Variants in ITK observed in about 807,000 individuals in gnomAD.
The protein encoded by ITK is tyrosine-protein kinase ITK/TSK.
In ITK, 45 loss-of-function variants were observed where a neutral mutation model predicts 87.6. The observed-to-expected ratio is 0.51, with a 90% CI of 0.40 to 0.66. The LOEUF (loss-of-function observed/expected upper bound fraction) is 0.66, where lower values mean the gene tolerates loss of function less well. Ranked by LOEUF, ITK falls within the 30% of genes least tolerant of loss-of-function variation. ITK has a pLI of 0.00. For synonymous variants in ITK, 303 were observed against 273.6 expected, an observed-to-expected ratio of 1.11 and a Z score of -1.06; for missense variants, 605 against 766.3, an observed-to-expected ratio of 0.79 and a Z score of 2.48.
At chr5:157,193,823 A>G (rs2113741498) in intron 1 of ITK, among the ~76,000 whole-genome samples, 1 of 152,296 alleles carries the variant, frequency 6.6e-6, no homozygotes, top group South Asian at 2.1e-4. Context: ...CTTGCTCCAG[A>G]TTGCCCAGCA....
intron 1 of ITK, chr5:157,195,990 G>A (rs947199650): frequency 6.6e-6 from 1 of 152,098 alleles, no homozygotes; most frequent in African/African-American, 2.4e-5. Flanking sequence ...GCCCACCAGG[G>A]GACATTTGAC....
intron 4 of ITK, among the ~76,000 whole-genome samples, chr5:157,216,276 G>A (rs1006724184): frequency 2.0e-5 from 3 of 152,098 alleles, no homozygotes; most frequent in Non-Finnish European, 4.4e-5. Flanking sequence ...TTGGCAGTGC[G>A]GGTCTATGAG....
chr5:157,181,257 A>G, intron 1 of ITK, 142 bp downstream of exon 1: 1 of 936,742 alleles, frequency 1.1e-6, no homozygotes, highest in Non-Finnish European at 1.7e-6. Context: ...GTACAGTAAA[A>G]GTAATCAGAG....
chr5:157,227,826 T>C (rs530297149), intron 6 of ITK, among the ~76,000 whole-genome samples: 52 of 131,314 alleles, frequency 4.0e-4, no homozygotes, highest in African/African-American at 1.4e-3. Context: ...CAATTCCTTT[T>C]TTTTTTTTTT....
intron 8 of ITK, 96 bp downstream of exon 8, chr5:157,232,490 G>A (rs1754678047): frequency 3.7e-6 from 3 of 808,362 alleles, no homozygotes; most frequent in Admixed American, 4.1e-5. Context: ...GCCAAGGTGG[G>A]AGGATCACTT....
At chr5:157,243,871 G>A (rs1043914042) in intron 12 of ITK, 77 bp downstream of exon 12, 58 of 1,360,356 alleles carry the variant, frequency 4.3e-5, no homozygotes, top group Admixed American at 6.8e-5. Flanking sequence ...CCATTCAAAC[G>A]CCAGGGGGTA....
intron 16 of ITK, among the ~76,000 whole-genome samples, chr5:157,250,543 G>T (rs1385179111): frequency 6.6e-6 from 1 of 151,414 alleles, no homozygotes; most frequent in Admixed American, 6.6e-5. Flanking sequence ...TTGAGATGGG[G>T]TCTTACTCTG....
Position 157,181,100 on chromosome 5 carries a change from T to G in ITK, c.123T>G (p.Phe41Leu). The change falls in exon 1 of 17, where the codon TTT (phenylalanine) becomes TTG (leucine). Residue 41 changes from phenylalanine (F) to leucine (L), a missense_variant. Physicochemically the swap from Phe to Leu is conservative, Grantham distance 22. Coordinates refer to ENST00000422843, the MANE Select transcript of ITK (RefSeq NM_005546.4). ...TAACCAAAGCCAGCCTGGCATACTT[T>G]GAAGATCGTCATGGGGTATGTGAGC... ...FVLTKASLAY[F>L]EDRHGKKRTL... is the part of the protein sequence containing the mutation. 1 of 1,614,090 alleles carries G rather than the reference T, an allele frequency of 6.2e-7. No individual in the cohort carries two copies. The highest frequency in any genetic ancestry group is 8.5e-7 in the Non-Finnish European group (1 of 1,179,908).
chr5:157,194,430 G>A (rs1753813257), intron 1 of ITK, among the ~76,000 whole-genome samples: 2 of 152,164 alleles, frequency 1.3e-5, no homozygotes, highest in South Asian at 2.1e-4. Flanking sequence ...AGCAGCATTA[G>A]CCACTTATTG....
rs1755206584 is a variant in ITK at position 157,254,183 on chromosome 5, T to C, written c.*1505T>C. On this transcript the variant is annotated 3_prime_UTR_variant, in exon 17 of 17. Transcript: ENST00000422843. ...TGGAAAGCCAGTAAAGAAGTCAGTA[T>C]AGAACCACTAGCGAATAGTGTTGCT... 1 of 229,724 alleles carries C rather than the reference T, an allele frequency of 4.4e-6. No homozygotes were observed. Among genetic ancestry groups the C allele is most frequent in the Non-Finnish European group, 8.6e-6 (1 of 115,860 alleles). The allele number at this position is 229,724 out of a possible 1,614,324, so 14.2% of individuals were successfully genotyped here.
At chr5:157,198,721 G>A (rs1308541935) in intron 1 of ITK, among the ~76,000 whole-genome samples, 4 of 152,186 alleles carry the variant, frequency 2.6e-5, no homozygotes, top group Non-Finnish European at 4.4e-5. Flanking sequence ...TTTACAAGAT[G>A]CTAATTTTTC....
At chr5:157,240,544 A>G (rs558084887) in intron 10 of ITK, 96 of 357,810 alleles carry the variant, frequency 2.7e-4, no homozygotes, top group African/African-American at 1.9e-3. Context: ...ACTTTTTTGA[A>G]TTGCTATCAA....
At chr5:157,190,210 C>T (rs1161812978) in intron 1 of ITK, among the ~76,000 whole-genome samples, 1 of 152,140 alleles carries the variant, frequency 6.6e-6, no homozygotes, top group East Asian at 1.9e-4. Context: ...TTTTCCTTTT[C>T]TGATATTTAA....
At chr5:157,245,596 A>G in intron 13 of ITK, 130 bp from the exon 14 acceptor site, 2 of 765,636 alleles carry the variant, frequency 2.6e-6, no homozygotes, top group South Asian at 1.5e-5. Context: ...AACATTTGTA[A>G]AGCTCCATGA....
At chr5:157,185,294 A>AGTG (rs1276457781) in intron 1 of ITK, among the ~76,000 whole-genome samples, 56 of 151,286 alleles carry the variant, frequency 3.7e-4, no homozygotes, top group African/African-American at 1.3e-3. Context: ...GCTGGAGCAC[A>AGTG]GTGGTGCCAC....
intron 7 of ITK, among the ~76,000 whole-genome samples, chr5:157,229,452 G>T (rs577122581): frequency 4.6e-5 from 7 of 152,190 alleles, no homozygotes; most frequent in African/African-American, 1.7e-4. Context: ...TGATATTCCT[G>T]CTCAAAAAAT....
intron 9 of ITK, among the ~76,000 whole-genome samples, chr5:157,238,859 A>G (rs1754828942): frequency 6.6e-6 from 1 of 152,216 alleles, no homozygotes; most frequent in African/African-American, 2.4e-5. Context: ...TTCTAATTAG[A>G]ACATTTGTTA....
chr5:157,183,958 T>C (rs565325555), intron 1 of ITK, among the ~76,000 whole-genome samples: 11 of 152,288 alleles, frequency 7.2e-5, no homozygotes, highest in Admixed American at 2.6e-4. Context: ...TTGATTGAGG[T>C]TTTACTTTAA....
intron 1 of ITK, among the ~76,000 whole-genome samples, chr5:157,192,481 G>A (rs772497492): frequency 6.6e-6 from 1 of 152,240 alleles, no homozygotes; most frequent in South Asian, 2.1e-4. Context: ...AAGCGGATGA[G>A]GTGAGCAAGG....
Sources: allele counts gnomAD v4.1 joint callset (sites outside exome capture counted in the v4.1 genomes callset), GRCh38; gene constraint gnomAD v4.1.1; transcripts MANE v1.5; gene names NCBI Gene and HGNC (gene_info 2026-07-23, HGNC 2026-07-21).